Variants in CSRNP3 observed in about 807,000 individuals in gnomAD.
CSRNP3 encodes cysteine and serine rich nuclear protein 3, also known as cysteine/serine-rich nuclear protein 3.
A neutral mutation model predicts 48.0 loss-of-function variants in CSRNP3; 12 were observed. The observed-to-expected ratio is 0.25, with a 90% confidence interval of 0.16 to 0.41. The LOEUF (loss-of-function observed/expected upper bound fraction) is 0.41. Among genes scored for constraint, CSRNP3 ranks in the 10% least tolerant of loss-of-function variants. CSRNP3 has a pLI of 1.00. For missense variants in CSRNP3, 580 were observed against 724.4 expected (o/e 0.80, Z 2.29); for synonymous variants, 263 against 269.7 (o/e 0.98, Z 0.24).
chr2:165,599,449 C>G (rs115953417), intron 4 of CSRNP3, among the ~76,000 whole-genome samples: 1 of 152,012 alleles, frequency 6.6e-6, no homozygotes, highest in Non-Finnish European at 1.5e-5. Flanking sequence ...ACCACTGCAC[C>G]AGGCCAATTC....
At chr2:165,540,437 CCT>C (rs1231303459) in intron 3 of CSRNP3, among the ~76,000 whole-genome samples, 1 of 151,922 alleles carries the variant, frequency 6.6e-6, no homozygotes, top group Admixed American at 6.6e-5. Flanking sequence ...TTTATTTTTA[CCT>C]TTAAAATTAT....
intron 4 of CSRNP3, among the ~76,000 whole-genome samples, chr2:165,629,227 C>T (rs1225236401): frequency 6.6e-6 from 1 of 152,144 alleles, no homozygotes; most frequent in Non-Finnish European, 1.5e-5. Flanking sequence ...AGTCTGTGCT[C>T]CACTTCCACA....
chr2:165,476,257 G>C (rs977228027), intron 1 of CSRNP3, among the ~76,000 whole-genome samples: 1 of 152,138 alleles, frequency 6.6e-6, no homozygotes, highest in Non-Finnish European at 1.5e-5. Context: ...CGTAATGCCT[G>C]GTAAGTGACA....
chr2:165,574,281 A>G, intron 3 of CSRNP3: 1 of 1,134,268 alleles, frequency 8.8e-7, no homozygotes, highest in African/African-American at 1.5e-5. Context: ...CAAAGGTCAC[A>G]GGGCTGGTGG....
In CSRNP3 at chr2:165,680,448, A is replaced by G. The variant is rs1451480446; in HGVS notation, c.*695A>G. ...TGATTCTATATGTGCAGGTCCTTAC[A>G]CAGTTTTCTCTAAAGTTAAGAGTTA... is the stretch of plus-strand genomic sequence containing the variant. On this transcript the variant is annotated 3_prime_UTR_variant, in exon 7 of 7. Coordinates refer to ENST00000651982, the MANE Select transcript of CSRNP3 (RefSeq NM_001172173.2). The G allele has an allele frequency of 1.3e-5, 2 of 152,640 alleles. No individual in the cohort carries two copies. Among genetic ancestry groups the G allele is most frequent in the Non-Finnish European group, 2.9e-5 (2 of 68,060 alleles). The allele number at this position is 152,640 out of a possible 1,614,324, so 9.5% of individuals were successfully genotyped here. A position where few individuals can be genotyped will look rare whatever the true frequency, so the allele number is the denominator to read the frequency against.
At chr2:165,587,297 A>T (rs1489722729) in intron 3 of CSRNP3, among the ~76,000 whole-genome samples, 1 of 152,226 alleles carries the variant, frequency 6.6e-6, no homozygotes, top group Admixed American at 6.5e-5. Flanking sequence ...ATCCCTGAGA[A>T]TGTGGCCAAG....
Position 165,683,630 on chromosome 2 carries a change from G to A in CSRNP3, c.*3877G>A, listed in dbSNP as rs1687582056. 1 of 152,082 alleles carries A rather than the reference G, an allele frequency of 6.6e-6. No homozygotes were observed. The highest frequency in any genetic ancestry group is 3.4e-3 in the Middle Eastern group (1 of 294). The allele number at this position is 152,082 out of a possible 1,614,324, so 9.4% of individuals were successfully genotyped here. A position where few individuals can be genotyped will look rare whatever the true frequency, so the allele number is the denominator to read the frequency against. On this transcript the variant is annotated 3_prime_UTR_variant, in exon 7 of 7. Transcript: ENST00000651982. ...GGTCTTTATATTCAAAATTTATTAA[G>A]TATCAATTCTTTCTTTCAACAAATA...
rs1458583324 is a variant in CSRNP3, at chr2:165,685,622, A to T, written c.*5869A>T. The T allele has an allele frequency of 6.6e-6, 1 of 152,142 alleles. No individual in the cohort carries two copies. Among genetic ancestry groups the T allele is most frequent in the African/African-American group, 2.4e-5 (1 of 41,458 alleles). The allele number at this position is 152,142 out of a possible 1,614,324, so 9.4% of individuals were successfully genotyped here. ...GAAATGAGGTCATTTCAAAGATGTA[A>T]GTCACGTTGGTGACTACTTTCTTTT... On this transcript the variant is annotated 3_prime_UTR_variant, in exon 7 of 7. Coordinates refer to ENST00000651982, the MANE Select transcript of CSRNP3 (RefSeq NM_001172173.2).
chr2:165,625,524 C>G (rs973328930), intron 4 of CSRNP3, among the ~76,000 whole-genome samples: 1 of 151,254 alleles, frequency 6.6e-6, no homozygotes, highest in African/African-American at 2.4e-5. Flanking sequence ...ATCCCAGCTA[C>G]TTGGGAAGCT....
At chr2:165,676,224 T>TATAA (rs1369409488) in intron 5 of CSRNP3, 88 bp from the exon 6 acceptor site, 1 of 920,856 alleles carries the variant, frequency 1.1e-6, no homozygotes, top group African/African-American at 1.7e-5. Context: ...CATGATGATA[T>TATAA]ATAATAGTTC....
intron 4 of CSRNP3, among the ~76,000 whole-genome samples, chr2:165,611,558 G>A (rs1254434004): frequency 6.6e-6 from 1 of 151,988 alleles, no homozygotes; most frequent in African/African-American, 2.4e-5. Context: ...CTCATGATAA[G>A]GGTGGGTTTC....
At chr2:165,549,448 G>A (rs1250442320) in intron 3 of CSRNP3, among the ~76,000 whole-genome samples, 2 of 151,914 alleles carry the variant, frequency 1.3e-5, no homozygotes, top group Non-Finnish European at 2.9e-5. Flanking sequence ...ATAGAGCTTG[G>A]TTTCTCCAGC....
At chr2:165,540,697 C>G (rs1389505124) in intron 3 of CSRNP3, among the ~76,000 whole-genome samples, 2 of 151,964 alleles carry the variant, frequency 1.3e-5, no homozygotes, top group African/African-American at 4.8e-5. Context: ...CTGGCTTGTC[C>G]CTGTAAGATT....
intron 4 of CSRNP3, among the ~76,000 whole-genome samples, chr2:165,614,556 T>G (rs1483035700): frequency 6.6e-6 from 1 of 152,238 alleles, no homozygotes; most frequent in Admixed American, 6.5e-5. Flanking sequence ...TGATGTTAGC[T>G]GTGTGTTTGT....
chr2:165,482,759 A>G (rs1429875747), intron 1 of CSRNP3, among the ~76,000 whole-genome samples: 1 of 152,200 alleles, frequency 6.6e-6, no homozygotes, highest in African/African-American at 2.4e-5. Flanking sequence ...ATTGATAAAA[A>G]TCAATGTTCT....
chr2:165,540,634 T>C (rs1297719074), intron 3 of CSRNP3, among the ~76,000 whole-genome samples: 8 of 146,424 alleles, frequency 5.5e-5, no homozygotes, highest in Admixed American at 3.5e-4. Flanking sequence ...ACACACCACA[T>C]TGATCTTTCC....
At chr2:165,550,784 C>T (rs1050128239) in intron 3 of CSRNP3, among the ~76,000 whole-genome samples, 1 of 152,180 alleles carries the variant, frequency 6.6e-6, no homozygotes, top group Non-Finnish European at 1.5e-5. Flanking sequence ...CTTGCACATG[C>T]TTACTGGCTA....
chr2:165,605,291 A>G (rs1685991207), intron 4 of CSRNP3, among the ~76,000 whole-genome samples: 2 of 152,094 alleles, frequency 1.3e-5, no homozygotes, highest in South Asian at 4.1e-4. Flanking sequence ...TTTGAACATG[A>G]CAAATTTCCT....
At chr2:165,669,520 C>A (rs1471090798) in intron 5 of CSRNP3, among the ~76,000 whole-genome samples, 1 of 152,130 alleles carries the variant, frequency 6.6e-6, no homozygotes, top group African/African-American at 2.4e-5. Flanking sequence ...ATATTTGGCT[C>A]AAAGCTGTCT....
Sources: gnomAD v4.1 joint callset for allele counts (sites outside exome capture counted in the v4.1 genomes callset) on GRCh38, gnomAD v4.1.1 for gene constraint, MANE v1.5 for transcripts, NCBI Gene and HGNC (gene_info 2026-07-23, HGNC 2026-07-21) for gene names.